LRRK1: variants seen among roughly 807,000 people sequenced by gnomAD.
The protein encoded by LRRK1 is leucine-rich repeat serine/threonine-protein kinase 1.
A neutral mutation model predicts 209.1 loss-of-function variants in LRRK1; 113 were observed. The ratio of observed to expected loss-of-function variants is 0.54; its 90% confidence interval spans 0.46 to 0.63. The LOEUF is 0.63. Ranked by LOEUF, LRRK1 falls within the 30% of genes least tolerant of loss-of-function variation. The pLI is 0.00. For synonymous variants in LRRK1, 1,144 were observed against 1,099.7 expected, an observed-to-expected ratio of 1.04 and a Z score of -0.80; for missense variants, 2,284 against 2,632.2, an observed-to-expected ratio of 0.87 and a Z score of 2.89.
intron 20 of LRRK1, among the ~76,000 whole-genome samples, chr15:101,042,612 G>A (rs1274849372): frequency 2.6e-5 from 4 of 152,134 alleles, no homozygotes; most frequent in Non-Finnish European, 5.9e-5. Context: ...CAGCCCTTGA[G>A]CATTGGGCAG....
chr15:101,012,258 A>G, intron 10 of LRRK1, 113 bp downstream of exon 10: 1 of 1,014,156 alleles, frequency 9.9e-7, no homozygotes, highest in Non-Finnish European at 1.5e-6. Context: ...ATAAGGGGAA[A>G]AGATGAAGAA....
chr15:100,952,825 A>C (rs1012727923), intron 2 of LRRK1, among the ~76,000 whole-genome samples: 1 of 152,108 alleles, frequency 6.6e-6, no homozygotes, highest in African/African-American at 2.4e-5. Context: ...AGTCTGCGTC[A>C]TAAAGCTTAC....
chr15:101,022,263 C>A lies in LRRK1; in HGVS notation c.1853-120C>A. On this transcript the variant is annotated intron_variant, in intron 14 of 33. Coordinates refer to ENST00000388948, the MANE Select transcript of LRRK1 (RefSeq NM_024652.6). This position sits in a 1 kb window ranked among gnomAD's most constrained non-coding sequence, Gnocchi z 4.0. ...CCTTCCCTCCCCCTGATCCAGTAGT[C>A]TTCCTTAACTGTCCCCACTAAAACA... 1 of 993,720 alleles carries A rather than the reference C, an allele frequency of 1.0e-6. No individual in the cohort carries two copies. The highest frequency in any genetic ancestry group is 2.0e-5 in the Admixed American group (1 of 50,494). 61.6% of individuals were successfully genotyped at this position (993,720 alleles called of 1,614,324 possible). A position where few individuals can be genotyped will look rare whatever the true frequency, so the allele number is the denominator to read the frequency against.
rs751875924 is a variant in LRRK1 at position 100,988,756 on chromosome 15, A to G, written c.556A>G (p.Arg186Gly). 7 of 1,613,222 alleles carry G rather than the reference A, an allele frequency of 4.3e-6. No individual in the cohort carries two copies. The highest frequency in any genetic ancestry group is 2.5e-6 in the Non-Finnish European group (3 of 1,179,316). ...GGCTGACCCGGAGAGCTACGCTGTC[A>G]GGAAGAATGAGTTCCCTGTCATCGT... ...HGADPESYAV[R>G]KNEFPVIVRL... Residue 186 changes from arginine (R) to glycine (G), a missense_variant, in exon 5 of 34, where the codon AGG becomes GGG. Coordinates refer to ENST00000388948, the MANE Select transcript of LRRK1 (RefSeq NM_024652.6).
intron 6 of LRRK1, among the ~76,000 whole-genome samples, chr15:101,006,516 AAT>A (rs1221317751): frequency 6.6e-6 from 1 of 152,276 alleles, no homozygotes; most frequent in Non-Finnish European, 1.5e-5. Context: ...CAGGACACAA[AAT>A]AGTTATAAAC....
At chr15:100,949,036 A>G (rs1186152651) in intron 2 of LRRK1, among the ~76,000 whole-genome samples, 1 of 152,174 alleles carries the variant, frequency 6.6e-6, no homozygotes, top group African/African-American at 2.4e-5. Context: ...GCAGAAAAAA[A>G]TAAAATAGAG....
intron 2 of LRRK1, among the ~76,000 whole-genome samples, chr15:100,948,442 G>A (rs1434225639): frequency 6.6e-6 from 1 of 152,124 alleles, no homozygotes; most frequent in Admixed American, 6.5e-5. Flanking sequence ...CCTCCCTGTG[G>A]GTTGTACCAT....
At position 101,022,646 on chromosome 15, in the gene LRRK1, C is replaced by G. The variant is rs758457202; in HGVS notation, c.2067+49C>G. ...GTCCCTGTGGGTGGGAGGAACATCCCTTGGACTCCTTCTCCCTTCTCCCCA... is the reference window on the plus strand; with the variant it reads ...GTCCCTGTGGGTGGGAGGAACATCCGTTGGACTCCTTCTCCCTTCTCCCCA... On this transcript the variant is annotated intron_variant, in intron 15 of 33. Transcript: ENST00000388948. The surrounding 1 kb of genome is among the most constrained non-coding windows in gnomAD (Gnocchi z 4.0). 1.5e-6 allele frequency: 2 copies of G among 1,294,016 alleles called. No individual in the cohort carries two copies. Among genetic ancestry groups the G allele is most frequent in the Admixed American group, 2.0e-5 (1 of 49,118 alleles). 80.2% of individuals were successfully genotyped at this position (1,294,016 alleles called of 1,614,324 possible).
At chr15:101,013,130 T>C (rs941305328) in intron 10 of LRRK1, among the ~76,000 whole-genome samples, 1 of 147,986 alleles carries the variant, frequency 6.8e-6, no homozygotes, top group South Asian at 2.2e-4. Context: ...GCTCGAGGTC[T>C]CCTTCTCCAC....
At chr15:101,053,988 C>CT (rs942806805) in intron 26 of LRRK1, among the ~76,000 whole-genome samples, 5 of 151,970 alleles carry the variant, frequency 3.3e-5, no homozygotes, top group Admixed American at 1.3e-4. Flanking sequence ...GAATTCTTTA[C>CT]TTTTTTTTAA....
chr15:100,981,991 C>T (rs748213826), intron 3 of LRRK1, among the ~76,000 whole-genome samples: 1 of 152,256 alleles, frequency 6.6e-6, no homozygotes, highest in Non-Finnish European at 1.5e-5. Flanking sequence ...GAAATGGCCC[C>T]TGGCATCCTC....
intron 6 of LRRK1, among the ~76,000 whole-genome samples, chr15:100,999,400 A>G (rs2032584229): frequency 6.6e-6 from 1 of 152,224 alleles, no homozygotes; most frequent in South Asian, 2.1e-4. Flanking sequence ...TTTCTCTGAT[A>G]GGGTGTGCTG....
intron 2 of LRRK1, among the ~76,000 whole-genome samples, chr15:100,971,065 G>A (rs1193002258): frequency 3.3e-5 from 5 of 152,116 alleles, no homozygotes; most frequent in South Asian, 2.1e-4. Flanking sequence ...CAGGCGCAGC[G>A]GCTCACGCCT....
intron 20 of LRRK1, among the ~76,000 whole-genome samples, chr15:101,033,779 C>G (rs2034383507): frequency 6.6e-6 from 1 of 152,136 alleles, no homozygotes; most frequent in African/African-American, 2.4e-5. Flanking sequence ...TGTATAAATA[C>G]CCACTAGTGG....
chr15:100,973,219 C>A (rs182222800), intron 2 of LRRK1, among the ~76,000 whole-genome samples: 6 of 152,360 alleles, frequency 3.9e-5, no homozygotes, highest in African/African-American at 1.4e-4. Context: ...CTCGGATGAC[C>A]GGGAGCAGCC....
chr15:101,057,675 G>C (rs542529126), intron 28 of LRRK1, among the ~76,000 whole-genome samples: 6 of 152,172 alleles, frequency 3.9e-5, no homozygotes, highest in African/African-American at 1.2e-4. Context: ...GATCGCACCT[G>C]TGAGTAGGTT....
At position 100,983,517 on chromosome 15, in the gene LRRK1, G is replaced by A. The variant is rs749931099; in HGVS notation, c.262-11G>A. The A allele has an allele frequency of 4.4e-6, 7 of 1,583,064 alleles. No homozygotes were observed. Among genetic ancestry groups the A allele is most frequent in the Non-Finnish European group, 6.0e-6 (7 of 1,162,680 alleles). ...GCCAGTCTCACTGGAGCCCTGTTCT[G>A]TTTTGACCAGGGCCAGCTTCTGAGC... On this transcript the variant is annotated splice_polypyrimidine_tract_variant and intron_variant, in intron 3 of 33. Transcript: ENST00000388948.
rs1481083646 is a variant in LRRK1 at position 101,070,881 on chromosome 15, A to G, written c.*2033A>G. The G allele has an allele frequency of 6.6e-6, 1 of 152,160 alleles. No homozygotes were observed. Among genetic ancestry groups the G allele is most frequent in the Non-Finnish European group, 1.5e-5 (1 of 68,036 alleles). The allele number at this position is 152,160 out of a possible 1,614,324, so 9.4% of individuals were successfully genotyped here. A position where few individuals can be genotyped will look rare whatever the true frequency, so the allele number is the denominator to read the frequency against. On this transcript the variant is annotated 3_prime_UTR_variant, in exon 34 of 34. Transcript: ENST00000388948. ...GGAAAATTAGTCCAAAGCCTAAAAG[A>G]CTAGCAACTGAGAAAAAAAAACATT...
In LRRK1 at chr15:101,065,876, C is replaced by T. The variant is rs779209483; in HGVS notation, c.5439C>T (p.Ile1813=). Residue 1813 remains isoleucine, a synonymous_variant, in exon 32 of 34, where the codon ATC becomes ATT. Coordinates refer to ENST00000388948, the MANE Select transcript of LRRK1 (RefSeq NM_024652.6). ...ANPKVPEGDS[I]ADVSIMYSEE... is the part of the protein sequence containing the mutation. ...CAAAGGTGCCTGAGGGGGACTCCAT[C>T]GCGGACGTGAGCATCATGTACAGTG... is the stretch of plus-strand genomic sequence containing the variant. 15 of 1,614,052 alleles carry T rather than the reference C, an allele frequency of 9.3e-6. No individual in the cohort carries two copies. Among genetic ancestry groups the T allele is most frequent in the Middle Eastern group, 3.3e-4 (2 of 6,084 alleles).
Sources: gnomAD v4.1 joint callset for allele counts (sites outside exome capture counted in the v4.1 genomes callset) on GRCh38, gnomAD v4.1.1 for gene constraint, Gnocchi (gnomAD v3.1) non-coding constraint, MANE v1.5 for transcripts, NCBI Gene and HGNC (gene_info 2026-07-23, HGNC 2026-07-21) for gene names.